SEMA3A: variants seen among roughly 807,000 people sequenced by gnomAD.
The protein encoded by SEMA3A is semaphorin-3A.
Under a neutral mutation model 97.9 loss-of-function variants are expected in SEMA3A, and 29 were observed. That is an observed-to-expected ratio of 0.30 (90% CI 0.22 to 0.40). The LOEUF (loss-of-function observed/expected upper bound fraction) is 0.40. Among genes scored for constraint, SEMA3A ranks in the 10% least tolerant of loss-of-function variants. The probability of loss-of-function intolerance (pLI) is 1.00; values close to 1 mark genes in which losing one functional copy is unlikely to be tolerated. For synonymous variants in SEMA3A, 321 were observed against 323.7 expected (o/e 0.99, Z 0.09); for missense variants, 763 against 951.3 (o/e 0.80, Z 2.60).
At chr7:84,186,541 G>T (rs1797893186) in intron 1 of SEMA3A, among the ~76,000 whole-genome samples, 1 of 152,098 alleles carries the variant, frequency 6.6e-6, no homozygotes, top group Non-Finnish European at 1.5e-5. Context: ...AGATTCATAA[G>T]CACTTTGACA....
intron 1 of SEMA3A, among the ~76,000 whole-genome samples, chr7:84,388,525 A>C (rs1228540744): frequency 6.6e-6 from 1 of 152,006 alleles, no homozygotes; most frequent in Non-Finnish European, 1.5e-5. Flanking sequence ...CACTCTCTTG[A>C]CTTGCATATA....
chr7:84,056,617 A>G (rs886646512), intron 5 of SEMA3A, among the ~76,000 whole-genome samples: 1 of 152,088 alleles, frequency 6.6e-6, no homozygotes, highest in East Asian at 1.9e-4. Flanking sequence ...TATCACACAC[A>G]CAGAAACACA....
At chr7:84,473,173 T>TGTGTGTGTGTGTGTGTGA (rs891778095) in intron 1 of SEMA3A, among the ~76,000 whole-genome samples, 4 of 151,290 alleles carry the variant, frequency 2.6e-5, no homozygotes, top group African/African-American at 7.3e-5. Context: ...TGTGTGTGTG[T>TGTGTGTGTGTGTGTGTGA]GAAACCTACA....
At chr7:84,333,081 C>T (rs370748966) in intron 2 of SEMA3A, among the ~76,000 whole-genome samples, 20 of 152,088 alleles carry the variant, frequency 1.3e-4, no homozygotes, top group East Asian at 1.2e-3. Context: ...TGTGTAATTG[C>T]TGGTCATGAT....
intron 4 of SEMA3A, among the ~76,000 whole-genome samples, chr7:84,086,446 AT>A (rs889182412): frequency 2.1e-5 from 3 of 139,618 alleles, no homozygotes; most frequent in African/African-American, 5.5e-5. Context: ...TATATTTTAT[AT>A]ATTATTATAT....
rs974847590 is a variant in SEMA3A at position 84,002,058 on chromosome 7, A to G, written c.1361-12T>C. The G allele has an allele frequency of 2.0e-5, 30 of 1,504,872 alleles. No homozygotes were observed. Among genetic ancestry groups the G allele is most frequent in the Non-Finnish European group, 2.7e-5 (29 of 1,083,440 alleles). 93.2% of individuals were successfully genotyped at this position (1,504,872 alleles called of 1,614,324 possible). A position where few individuals can be genotyped will look rare whatever the true frequency, so the allele number is the denominator to read the frequency against. ...AACGGTCCCAACATCTTTGAAAGAA[A>G]GTGGGGAGAAGACCACAAGTTAAGT... On this transcript the variant is annotated splice_polypyrimidine_tract_variant and intron_variant, in intron 11 of 16. Transcript: ENST00000265362.
intron 3 of SEMA3A, among the ~76,000 whole-genome samples, chr7:84,224,678 C>T (rs1466414104): frequency 6.6e-6 from 1 of 151,860 alleles, no homozygotes; most frequent in East Asian, 1.9e-4. Flanking sequence ...CCTTGAGCAC[C>T]CTTTCGAGTG....
intron 12 of SEMA3A, among the ~76,000 whole-genome samples, chr7:83,991,268 G>A (rs1489302777): frequency 6.6e-6 from 1 of 152,066 alleles, no homozygotes; most frequent in Admixed American, 6.5e-5. Flanking sequence ...TCTGCAAACA[G>A]GGACAATTTG....
intron 1 of SEMA3A, among the ~76,000 whole-genome samples, chr7:84,192,497 T>A (rs1798079292): frequency 6.6e-6 from 1 of 151,962 alleles, no homozygotes. Context: ...ATAATTCTAA[T>A]GGATGCCATC....
intron 2 of SEMA3A, among the ~76,000 whole-genome samples, chr7:84,355,326 A>C (rs1362520607): frequency 6.6e-6 from 1 of 151,892 alleles, no homozygotes; most frequent in African/African-American, 2.4e-5. Context: ...TTCCTCCTCT[A>C]AGCCTTGGAC....
intron 3 of SEMA3A, among the ~76,000 whole-genome samples, chr7:84,249,800 G>A (rs557658088): frequency 6.6e-6 from 1 of 150,874 alleles, no homozygotes; most frequent in Non-Finnish European, 1.5e-5. Flanking sequence ...AAAAAAAATT[G>A]TCAAGTACCT....
rs67315788 is a variant in SEMA3A, at chr7:84,162,583, AT to A, written c.113-27633del. Among the ~76,000 whole-genome samples, 1,019 of 151,402 alleles carry A rather than the reference AT, an allele frequency of 6.7e-3. 17 individuals are homozygous for A. The highest frequency in any genetic ancestry group is 0.023 in the African/African-American group (970 of 41,282). ...ATTTGTCTTTTGGCTCATATCCTCAATTTTTTTTTAAAAAAAAATAGATATG... is the reference window on the plus strand; with the variant it reads ...ATTTGTCTTTTGGCTCATATCCTCAATTTTTTTTAAAAAAAAATAGATATG... On this transcript the variant is annotated intron_variant, in intron 1 of 16. Transcript: ENST00000265362.
chr7:84,072,079 T>A (rs1299301940), intron 4 of SEMA3A, among the ~76,000 whole-genome samples: 1 of 152,122 alleles, frequency 6.6e-6, no homozygotes, highest in Non-Finnish European at 1.5e-5. Context: ...CTTTAACGTC[T>A]TGGTGGTATG....
At chr7:84,276,326 T>C (rs1409890632) in intron 3 of SEMA3A, among the ~76,000 whole-genome samples, 1 of 152,110 alleles carries the variant, frequency 6.6e-6, no homozygotes, top group Non-Finnish European at 1.5e-5. Context: ...CTTATGTCTC[T>C]TTTTCTTGAA....
At chr7:84,237,224 G>T (rs1206632296) in intron 3 of SEMA3A, among the ~76,000 whole-genome samples, 1 of 152,220 alleles carries the variant, frequency 6.6e-6, no homozygotes, top group African/African-American at 2.4e-5. Context: ...ACAAACATAT[G>T]TAGGTAAGTG....
At position 83,977,310 on chromosome 7, in the gene SEMA3A, A is replaced by T. The variant is rs573398420; in HGVS notation, c.1653-114T>A. The T allele has an allele frequency of 5.8e-4, 258 of 445,370 alleles. 1 individual carries two copies. Among genetic ancestry groups the T allele is most frequent in the African/African-American group, 4.9e-3 (241 of 48,984 alleles). 27.6% of individuals were successfully genotyped at this position (445,370 alleles called of 1,614,324 possible). A position where few individuals can be genotyped will look rare whatever the true frequency, so the allele number is the denominator to read the frequency against. On this transcript the variant is annotated intron_variant, in intron 14 of 16. Transcript: ENST00000265362. ...TATATATATATCATAGACTCTAGTAACTTACAGGAACAGATGAATCTACAT... is the reference window on the plus strand; with the variant it reads ...TATATATATATCATAGACTCTAGTATCTTACAGGAACAGATGAATCTACAT...
chr7:84,433,177 T>A (rs991526636), intron 1 of SEMA3A, among the ~76,000 whole-genome samples: 2 of 151,958 alleles, frequency 1.3e-5, no homozygotes, highest in Non-Finnish European at 2.9e-5. Context: ...GTTGCACCCA[T>A]CAACCCATCA....
chr7:84,334,888 G>GCCTCATTTTCTACTTAGACTACCC lies in SEMA3A; in HGVS notation c.-168-27620_-168-27597dup, dbSNP rs1276320805. ...TCCTCAATTTCCCCCTAAGTCCCAC[G>GCCTCATTTTCTACTTAGACTACCC]CCTCATTTTCTACTTAGACTACCCC... On this transcript the variant is annotated intron_variant, in intron 2 of 3. Coordinates refer to the SEMA3A transcript ENST00000424555. Among the ~76,000 whole-genome samples the GCCTCATTTTCTACTTAGACTACCC allele has an allele frequency of 9.0e-5, 12 of 133,994 alleles. No individual in the cohort carries two copies. The East Asian group carries it at 1.8e-3, about 20-fold the overall frequency. The allele number at this position is 133,994 out of a possible 152,430, so 87.9% of individuals were successfully genotyped here. A position where few individuals can be genotyped will look rare whatever the true frequency, so the allele number is the denominator to read the frequency against.
chr7:84,336,459 G>A (rs1802040710), intron 2 of SEMA3A, among the ~76,000 whole-genome samples: 1 of 152,118 alleles, frequency 6.6e-6, no homozygotes, highest in Non-Finnish European at 1.5e-5. Context: ...CTAAAATAGA[G>A]TATATACTAT....
Sources: allele counts gnomAD v4.1 joint callset (sites outside exome capture counted in the v4.1 genomes callset), GRCh38; gene constraint gnomAD v4.1.1; transcripts MANE v1.5; gene names NCBI Gene and HGNC (gene_info 2026-07-23, HGNC 2026-07-21).